GHR: variants seen among roughly 807,000 people sequenced by gnomAD.
GHR encodes the protein GH receptor.
A neutral mutation model predicts 67.1 loss-of-function variants in GHR; 35 were observed. The observed-to-expected ratio is 0.52, with a 90% CI of 0.40 to 0.69. The LOEUF (loss-of-function observed/expected upper bound fraction) is 0.69. GHR is among the 30% of genes least tolerant of loss of function. GHR has a pLI of 0.00. For missense variants in GHR, 792 were observed against 764.6 expected (o/e 1.04, Z -0.42); for synonymous variants, 272 against 269.1 (o/e 1.01, Z -0.10).
intron 1 of GHR, among the ~76,000 whole-genome samples, chr5:42,480,568 C>T (rs1745580242): frequency 6.6e-6 from 1 of 152,174 alleles, no homozygotes; most frequent in African/African-American, 2.4e-5. Flanking sequence ...AATCTGGGTG[C>T]TCCTGTATTA....
intron 3 of GHR, among the ~76,000 whole-genome samples, chr5:42,643,130 A>G (rs1321957478): frequency 6.6e-6 from 1 of 152,146 alleles, no homozygotes; most frequent in African/African-American, 2.4e-5. Context: ...CCCATTACAC[A>G]TATGCATTGA....
At chr5:42,657,057 C>G (rs1406475160) in intron 3 of GHR, among the ~76,000 whole-genome samples, 1 of 152,010 alleles carries the variant, frequency 6.6e-6, no homozygotes, top group Non-Finnish European at 1.5e-5. Context: ...TCAGGATCAA[C>G]CTTCGTTCAT....
At chr5:42,643,464 T>C (rs1754578770) in intron 3 of GHR, among the ~76,000 whole-genome samples, 2 of 152,174 alleles carry the variant, frequency 1.3e-5, no homozygotes, top group Non-Finnish European at 2.9e-5. Context: ...ACTTCCAAAC[T>C]ATGCTCAATG....
At chr5:42,700,121 A>ATG in intron 6 of GHR, 119 bp downstream of exon 6, 1 of 694,240 alleles carries the variant, frequency 1.4e-6, no homozygotes, top group South Asian at 1.6e-5. Flanking sequence ...ATGCTCCATA[A>ATG]TTTCTTAATT....
At chr5:42,696,747 A>G (rs1231433494) in intron 5 of GHR, among the ~76,000 whole-genome samples, 1 of 152,180 alleles carries the variant, frequency 6.6e-6, no homozygotes, top group Non-Finnish European at 1.5e-5. Context: ...TTACTTGAGG[A>G]TACTAATAGT....
intron 1 of GHR, among the ~76,000 whole-genome samples, chr5:42,549,371 G>C (rs562679530): frequency 6.6e-6 from 1 of 152,308 alleles, no homozygotes; most frequent in East Asian, 1.9e-4. Context: ...GGTTGTGCTA[G>C]GTAGTGGGCA....
intron 2 of GHR, among the ~76,000 whole-genome samples, chr5:42,607,105 C>T (rs1196703930): frequency 6.6e-6 from 1 of 152,142 alleles, no homozygotes; most frequent in Non-Finnish European, 1.5e-5. Context: ...CTCACTTTCC[C>T]TCTCTCCTGC....
At chr5:42,458,867 A>G (rs1358635905) in intron 1 of GHR, among the ~76,000 whole-genome samples, 1 of 152,242 alleles carries the variant, frequency 6.6e-6, no homozygotes, top group East Asian at 1.9e-4. Context: ...ACATGTGGCC[A>G]ACAAGCATAT....
rs560093075 is a variant in GHR, at chr5:42,665,348, G to A, written c.137-23542G>A. Among the ~76,000 whole-genome samples, 20 of 152,190 alleles carry A rather than the reference G, an allele frequency of 1.3e-4. No homozygotes were observed. In the South Asian group the frequency reaches 1.5e-3, roughly 11 times the overall value. On this transcript the variant is annotated intron_variant, in intron 3 of 9. Transcript: ENST00000230882. ...AATAGCAAAGACTTGGAACCAACCC[G>A]AATGTCCAACAATGATAGACTGGAT...
At chr5:42,575,504 A>C (rs1332367264) in intron 2 of GHR, among the ~76,000 whole-genome samples, 2 of 152,154 alleles carry the variant, frequency 1.3e-5, no homozygotes, top group Non-Finnish European at 1.5e-5. Context: ...AGTAGAATCC[A>C]ACAGTGGTGT....
At chr5:42,603,939 A>C (rs931292267) in intron 2 of GHR, among the ~76,000 whole-genome samples, 4 of 152,340 alleles carry the variant, frequency 2.6e-5, no homozygotes, top group African/African-American at 9.6e-5. Context: ...CTGACTGGCT[A>C]TAAACTGAGG....
At chr5:42,582,302 A>T (rs1018593907) in intron 2 of GHR, among the ~76,000 whole-genome samples, 1 of 152,230 alleles carries the variant, frequency 6.6e-6, no homozygotes, top group Admixed American at 6.5e-5. Context: ...TTCCAGGTGG[A>T]GTCCTTGGCT....
At chr5:42,713,753 A>G in intron 8 of GHR, 1 of 450,318 alleles carries the variant, frequency 2.2e-6, no homozygotes, top group Non-Finnish European at 4.1e-6. Flanking sequence ...ACAGGACATT[A>G]AGAGGCTTAG....
intron 2 of GHR, among the ~76,000 whole-genome samples, chr5:42,607,419 T>C (rs1234125458): frequency 6.6e-6 from 1 of 152,184 alleles, no homozygotes; most frequent in Admixed American, 6.5e-5. Context: ...GGTGGTGCTA[T>C]TGGTGTGAAT....
chr5:42,468,824 T>C, intron 1 of GHR: 1 of 1,017,640 alleles, frequency 9.8e-7, no homozygotes, highest in Non-Finnish European at 1.5e-6. Context: ...TCGAATCGGT[T>C]GGTGACCAGG....
chr5:42,718,023 T>C (rs757669402), intron 8 of GHR, 29 bp from the exon 9 acceptor site: 1 of 1,316,954 alleles, frequency 7.6e-7, no homozygotes, highest in South Asian at 1.2e-5. Flanking sequence ...TTTTAAGATG[T>C]CAAAACCAAA....
chr5:42,495,810 T>C (rs1467732096), intron 1 of GHR, among the ~76,000 whole-genome samples: 2 of 152,206 alleles, frequency 1.3e-5, no homozygotes, highest in Non-Finnish European at 2.9e-5. Flanking sequence ...GTCTCCATTA[T>C]ACAAATGATG....
chr5:42,708,573 C>G (rs1758295954), intron 6 of GHR, among the ~76,000 whole-genome samples: 1 of 152,088 alleles, frequency 6.6e-6, no homozygotes, highest in South Asian at 2.1e-4. Context: ...AAACCAAACT[C>G]TTTAAGATTC....
intron 1 of GHR, among the ~76,000 whole-genome samples, chr5:42,442,349 C>T (rs912763167): frequency 3.9e-5 from 6 of 152,064 alleles, no homozygotes; most frequent in African/African-American, 7.3e-5. Flanking sequence ...AATATATGAG[C>T]CTTTTTGGAG....
Sources: allele counts gnomAD v4.1 joint callset (sites outside exome capture counted in the v4.1 genomes callset), GRCh38; gene constraint gnomAD v4.1.1; transcripts MANE v1.5; gene names NCBI Gene and HGNC (gene_info 2026-07-23, HGNC 2026-07-21).